CMPK1: variants seen among roughly 807,000 people sequenced by gnomAD.
CMPK1 encodes the protein UMP-CMP kinase.
In CMPK1, 10 loss-of-function variants were observed where a neutral mutation model predicts 25.7. The ratio of observed to expected loss-of-function variants is 0.39; its 90% CI spans 0.24 to 0.66. The LOEUF (loss-of-function observed/expected upper bound fraction) is 0.66, where lower values mean the gene tolerates loss of function less well. Among genes scored for constraint, CMPK1 ranks in the 30% least tolerant of loss-of-function variants. The pLI is 0.48. For missense variants in CMPK1, 199 were observed against 280.5 expected (o/e 0.71, Z 2.08); for synonymous variants, 106 against 101.5 (o/e 1.04, Z -0.27).
chr1:47,363,417 C>T (rs1403917307), intron 1 of CMPK1, among the ~76,000 whole-genome samples: 1 of 152,004 alleles, frequency 6.6e-6, no homozygotes, highest in African/African-American at 2.4e-5. Context: ...CATTTGAGGT[C>T]AGGAGTTCAA....
intron 1 of CMPK1, among the ~76,000 whole-genome samples, chr1:47,363,922 G>A (rs769631105): frequency 7.9e-5 from 12 of 152,032 alleles, no homozygotes; most frequent in Non-Finnish European, 1.5e-4. Context: ...CAGGCTAGGT[G>A]ATCGACCGAG....
At chr1:47,360,005 C>G (rs1438447833) in intron 1 of CMPK1, among the ~76,000 whole-genome samples, 1 of 152,192 alleles carries the variant, frequency 6.6e-6, no homozygotes. Context: ...TGAGAGACTT[C>G]TTAAGATATT....
rs917803147 is a variant in CMPK1 at position 47,377,263 on chromosome 1, C to T, written c.*518C>T. 5 of 152,526 alleles carry T rather than the reference C, an allele frequency of 3.3e-5. No individual in the cohort carries two copies. Among genetic ancestry groups the T allele is most frequent in the African/African-American group, 1.2e-4 (5 of 41,436 alleles). The allele number at this position is 152,526 out of a possible 1,614,324, so 9.4% of individuals were successfully genotyped here. Reference sequence around the variant, plus strand: ...GAGCATTTTAGTGTTTATTAAATAACTGACCATTTGCTGTAGAAAGATGAG... The same window carrying T: ...GAGCATTTTAGTGTTTATTAAATAATTGACCATTTGCTGTAGAAAGATGAG... On this transcript the variant is annotated 3_prime_UTR_variant, in exon 6 of 6. Coordinates refer to ENST00000371873, the MANE Select transcript of CMPK1 (RefSeq NM_016308.3).
chr1:47,349,840 C>G (rs780896195), intron 1 of CMPK1, among the ~76,000 whole-genome samples: 22 of 152,300 alleles, frequency 1.4e-4, no homozygotes, highest in Non-Finnish European at 2.8e-4. Flanking sequence ...GGGTCTCGCT[C>G]TGTTGACCAG....
chr1:47,364,646 ATAAAT>A (rs1277192011), intron 1 of CMPK1, among the ~76,000 whole-genome samples: 1 of 147,946 alleles, frequency 6.8e-6, no homozygotes, highest in African/African-American at 2.5e-5. Context: ...ATATAATAAT[ATAAAT>A]TATATACTAT....
At chr1:47,370,923 C>T (rs1646674023) in intron 2 of CMPK1, among the ~76,000 whole-genome samples, 1 of 151,768 alleles carries the variant, frequency 6.6e-6, no homozygotes, top group Non-Finnish European at 1.5e-5. Context: ...CACCATTGTA[C>T]TCCAGCCTGG....
At chr1:47,371,446 A>G (rs574237386) in intron 2 of CMPK1, among the ~76,000 whole-genome samples, 63 of 152,332 alleles carry the variant, frequency 4.1e-4, no homozygotes, top group Admixed American at 1.6e-3. Flanking sequence ...CATGTTACCA[A>G]TGATGATCTC....
intron 1 of CMPK1, among the ~76,000 whole-genome samples, chr1:47,343,476 C>G (rs1237752390): frequency 4.7e-5 from 7 of 149,742 alleles, no homozygotes; most frequent in Non-Finnish European, 8.9e-5. Context: ...CCATTGCACT[C>G]CAGCCTGGGC....
In CMPK1 at chr1:47,368,396, A is replaced by C; in HGVS notation, c.172-73A>C. The C allele has an allele frequency of 2.3e-6, 3 of 1,291,046 alleles. No individual in the cohort carries two copies. The South Asian group carries it at 6.1e-5, about 26-fold the overall frequency. The allele number at this position is 1,291,046 out of a possible 1,614,324, so 80.0% of individuals were successfully genotyped here. ...AAAATTAGAATATAGAAATTAACAC[A>C]AAGGAAAAAAAGTATAGTCCTACCA... On this transcript the variant is annotated intron_variant, in intron 1 of 5. Transcript: ENST00000371873.
At chr1:47,365,439 G>A (rs1646632721) in intron 1 of CMPK1, among the ~76,000 whole-genome samples, 1 of 151,908 alleles carries the variant, frequency 6.6e-6, no homozygotes, top group African/African-American at 2.4e-5. Context: ...TTTGAGACCA[G>A]CCTGGGTAAC....
intron 1 of CMPK1, among the ~76,000 whole-genome samples, chr1:47,360,592 A>G (rs1646595036): frequency 6.6e-6 from 1 of 152,246 alleles, no homozygotes; most frequent in African/African-American, 2.4e-5. Flanking sequence ...ACTTTAAGTT[A>G]TGCAAATATG....
At chr1:47,374,268 G>T (rs1298212189) in intron 3 of CMPK1, among the ~76,000 whole-genome samples, 1 of 152,122 alleles carries the variant, frequency 6.6e-6, no homozygotes, top group Non-Finnish European at 1.5e-5. Flanking sequence ...TGTTGGCCAG[G>T]CTGGTCTCGA....
At chr1:47,364,833 A>G (rs1221219239) in intron 1 of CMPK1, among the ~76,000 whole-genome samples, 1 of 151,740 alleles carries the variant, frequency 6.6e-6, no homozygotes, top group Non-Finnish European at 1.5e-5. Flanking sequence ...GGGCAGTGGC[A>G]TGATCATAGC....
chr1:47,359,554 A>AT (rs1039091507), intron 1 of CMPK1, among the ~76,000 whole-genome samples: 22 of 150,580 alleles, frequency 1.5e-4, no homozygotes, highest in Non-Finnish European at 2.8e-4. Context: ...CGCCTGGCTA[A>AT]TTTTTTTGTA....
At chr1:47,353,697 A>G (rs1474833532) in intron 1 of CMPK1, among the ~76,000 whole-genome samples, 1 of 152,112 alleles carries the variant, frequency 6.6e-6, no homozygotes, top group Non-Finnish European at 1.5e-5. Flanking sequence ...AAACATTTAA[A>G]TCATCAGTCT....
intron 1 of CMPK1, among the ~76,000 whole-genome samples, chr1:47,357,736 C>G (rs1046839057): frequency 3.3e-5 from 5 of 151,992 alleles, no homozygotes; most frequent in Non-Finnish European, 5.9e-5. Flanking sequence ...CCACCTGCCT[C>G]AGCCTCCCAA....
rs79047892 is a variant in CMPK1, at chr1:47,338,481, A to T, written c.171+4365A>T. On this transcript the variant is annotated intron_variant, in intron 1 of 5. Coordinates refer to ENST00000371873, the MANE Select transcript of CMPK1 (RefSeq NM_016308.3). The stretch of plus-strand genomic sequence containing the variant: ...ACATTTATTTGTACTGATGTTTTTC[A>T]GTTTTGTTTGCTTTTCTCCTTCCTT... 8.6e-3 allele frequency among the ~76,000 whole-genome samples: 1,233 copies of T among 143,290 alleles called. 11 individuals are homozygous for T. Among genetic ancestry groups the T allele is most frequent in the Non-Finnish European group, 0.015 (993 of 65,960 alleles). The allele number at this position is 143,290 out of a possible 152,430, so 94.0% of individuals were successfully genotyped here.
Position 47,334,015 on chromosome 1 carries a change from C to T in CMPK1, c.70C>T (p.Pro24Ser), listed in dbSNP as rs547807878. ...TAGCTTCCTGCTGCAGACCCGCCGGCCGATTCTCCTCTGCTCTCCACGTCT... is the reference window on the plus strand; with the variant it reads ...TAGCTTCCTGCTGCAGACCCGCCGGTCGATTCTCCTCTGCTCTCCACGTCT... ...GLSFLLQTRR[P>S]ILLCSPRLMK... The change falls in exon 1 of 6, where the codon CCG becomes TCG. Residue 24 changes from proline (P) to serine (S), a missense_variant. Physicochemically the swap from Pro to Ser is moderately conservative, Grantham distance 74. Coordinates refer to ENST00000371873, the MANE Select transcript of CMPK1 (RefSeq NM_016308.3). 1.1e-4 allele frequency: 163 copies of T among 1,549,744 alleles called. 2 individuals carry two copies. In the South Asian group the frequency reaches 1.8e-3, roughly 17 times the overall value.
intron 1 of CMPK1, among the ~76,000 whole-genome samples, chr1:47,345,492 A>ATGTCTTT (rs761192894): frequency 7.6e-6 from 1 of 130,742 alleles, no homozygotes; most frequent in Non-Finnish European, 1.7e-5. Flanking sequence ...TAGCAATTTA[A>ATGTCTTT]TTTCTTTTTT....
Sources: gnomAD v4.1 joint callset for allele counts (sites outside exome capture counted in the v4.1 genomes callset) on GRCh38, gnomAD v4.1.1 for gene constraint, MANE v1.5 for transcripts, NCBI Gene and HGNC (gene_info 2026-07-23, HGNC 2026-07-21) for gene names.